Variants in IFT43 observed in about 807,000 individuals in gnomAD.
The protein encoded by IFT43 is intraflagellar transport protein 43 homolog.
IFT43 carries 33 observed loss-of-function variants against 32.3 expected under a neutral mutation model. The ratio of observed to expected loss-of-function variants is 1.02; its 90% CI spans 0.77 to 1.37. The LOEUF (loss-of-function observed/expected upper bound fraction) is 1.37, where lower values mean the gene tolerates loss of function less well. Among genes scored for constraint, IFT43 ranks in the 40% most tolerant of loss-of-function variants. IFT43 has a pLI of 0.00. For synonymous variants in IFT43, 93 were observed against 98.2 expected, an observed-to-expected ratio of 0.95 and a Z score of 0.31; for missense variants, 274 against 265.9, an observed-to-expected ratio of 1.03 and a Z score of -0.21.
At chr14:76,067,536 C>G (rs1303830036) in intron 5 of IFT43, among the ~76,000 whole-genome samples, 1 of 151,550 alleles carries the variant, frequency 6.6e-6, no homozygotes, top group Admixed American at 6.6e-5. Flanking sequence ...CACTACCGCA[C>G]TCACCACTGC....
chr14:75,985,783 G>C lies in IFT43; in HGVS notation c.-4G>C, dbSNP rs561175140. Reference sequence around the variant, plus strand: ...CCAGGAAGTGACGTCAGGCGGCCGCGGAGATGGAGGATTTGCTCGACTTGG... The same window carrying C: ...CCAGGAAGTGACGTCAGGCGGCCGCCGAGATGGAGGATTTGCTCGACTTGG... On this transcript the variant is annotated 5_prime_UTR_variant, in exon 1 of 9. Coordinates refer to ENST00000314067, the MANE Select transcript of IFT43 (RefSeq NM_001102564.3). The C allele has an allele frequency of 2.5e-6, 4 of 1,614,192 alleles. No individual in the cohort carries two copies. In the Admixed American group the frequency reaches 5.0e-5, roughly 20 times the overall value.
intron 3 of IFT43, among the ~76,000 whole-genome samples, chr14:76,027,658 G>A (rs1158521648): frequency 6.7e-6 from 1 of 149,006 alleles, no homozygotes; most frequent in Non-Finnish European, 1.5e-5. Context: ...GCAGTGAGCC[G>A]AGATTGTGCC....
intron 2 of IFT43, among the ~76,000 whole-genome samples, chr14:76,002,726 A>C (rs573029814): frequency 6.6e-6 from 1 of 152,362 alleles, no homozygotes; most frequent in South Asian, 2.1e-4. Context: ...GAATGGTACA[A>C]GTTTTGAAAG....
intron 5 of IFT43, among the ~76,000 whole-genome samples, chr14:76,073,891 C>T (rs189444255): frequency 7.2e-5 from 11 of 152,150 alleles, no homozygotes; most frequent in Non-Finnish European, 1.2e-4. Context: ...GATAAGAGAG[C>T]GAGCAGCAGT....
intron 3 of IFT43, among the ~76,000 whole-genome samples, chr14:76,033,369 T>G (rs1314718938): frequency 6.6e-6 from 1 of 152,210 alleles, no homozygotes; most frequent in Non-Finnish European, 1.5e-5. Context: ...GAATAAGACC[T>G]TCCAGGAGAG....
chr14:76,027,412 A>T (rs1283852668), intron 3 of IFT43, among the ~76,000 whole-genome samples: 1 of 149,394 alleles, frequency 6.7e-6, no homozygotes, highest in East Asian at 2.0e-4. Flanking sequence ...ATACTTTAGC[A>T]TGCATCTCTC....
At chr14:76,030,918 T>C (rs2036498524) in intron 3 of IFT43, among the ~76,000 whole-genome samples, 1 of 151,614 alleles carries the variant, frequency 6.6e-6, no homozygotes, top group South Asian at 2.1e-4. Flanking sequence ...CCCATCCTTA[T>C]CATCCTCTCC....
chr14:75,999,271 ATGTATATATAT>A (rs1364928643), intron 2 of IFT43, among the ~76,000 whole-genome samples: 12 of 25,812 alleles, frequency 4.6e-4, no homozygotes, highest in African/African-American at 1.8e-3. Context: ...ATATATATAT[ATGTATATATAT>A]TTTTTTTTTT....
Position 76,080,009 on chromosome 14 carries a change from T to C in IFT43, c.296-2286T>C, listed in dbSNP as rs532934799. Among the ~76,000 whole-genome samples, 138 of 152,296 alleles carry C rather than the reference T, an allele frequency of 9.1e-4. 1 individual carries two copies. The highest frequency in any genetic ancestry group is 2.8e-3 in the African/African-American group (116 of 41,572). On this transcript the variant is annotated intron_variant, in intron 5 of 8. Transcript: ENST00000314067. ...AACATATTATGTGCTCATGAGCACT[T>C]GCCTGTGATTGTAAATCAGAAACTG...
At chr14:76,027,089 A>G (rs903484812) in intron 3 of IFT43, among the ~76,000 whole-genome samples, 4 of 151,304 alleles carry the variant, frequency 2.6e-5, no homozygotes, top group African/African-American at 7.3e-5. Context: ...TGAAAGGTGG[A>G]GGGTGGGAGG....
intron 2 of IFT43, among the ~76,000 whole-genome samples, chr14:76,012,986 C>G (rs1247768567): frequency 1.3e-5 from 2 of 152,168 alleles, no homozygotes; most frequent in African/African-American, 4.8e-5. Flanking sequence ...ATAGTTTCTT[C>G]CTCTTCTCCT....
At chr14:76,004,359 T>C (rs963095528) in intron 2 of IFT43, among the ~76,000 whole-genome samples, 1 of 152,216 alleles carries the variant, frequency 6.6e-6, no homozygotes, top group African/African-American at 2.4e-5. Context: ...TTCAGCACTT[T>C]AAAAATTGCC....
intron 5 of IFT43, among the ~76,000 whole-genome samples, chr14:76,062,933 A>AG (rs2037166508): frequency 2.0e-5 from 3 of 150,916 alleles, no homozygotes; most frequent in African/African-American, 4.9e-5. Context: ...AAAAAAAAAA[A>AG]AAAAAAAAGA....
At chr14:76,065,740 G>A (rs995719163) in intron 5 of IFT43, among the ~76,000 whole-genome samples, 1 of 152,056 alleles carries the variant, frequency 6.6e-6, no homozygotes, top group Non-Finnish European at 1.5e-5. Context: ...AGTATGTTCA[G>A]TTGTTGATAG....
chr14:76,059,692 C>T (rs1236010487), intron 5 of IFT43: 2 of 403,796 alleles, frequency 5.0e-6, no homozygotes, highest in African/African-American at 2.1e-5. Flanking sequence ...ACCTCCTTGG[C>T]AAACCAACAT....
rs1225840489 is a variant in IFT43 at position 75,985,808 on chromosome 14, G to A, written c.22G>A (p.Asp8Asn). 6.2e-7 allele frequency: 1 copy of A among 1,614,198 alleles called. No individual in the cohort carries two copies. Among genetic ancestry groups the A allele is most frequent in the South Asian group, 1.1e-5 (1 of 91,080 alleles). The part of the protein sequence containing the change: MEDLLDL[D>N]EELRYSLATS... ...GGAGATGGAGGATTTGCTCGACTTG[G>A]ACGAGGAGCTTCGCTACAGCTTGGC... The change falls in exon 1 of 9, where the codon GAC (aspartate) becomes AAC (asparagine). Residue 8 changes from aspartate to asparagine, a missense_variant. Asp to Asn is a conservative substitution (Grantham distance 23). Coordinates refer to ENST00000314067, the MANE Select transcript of IFT43 (RefSeq NM_001102564.3).
At chr14:76,039,190 G>A (rs930808935) in intron 3 of IFT43, among the ~76,000 whole-genome samples, 26 of 151,808 alleles carry the variant, frequency 1.7e-4, no homozygotes, top group Admixed American at 1.6e-3. Context: ...TGGAGGGTGG[G>A]GATGTGATCA....
chr14:76,083,331 A>G (rs772242962), intron 8 of IFT43, 42 bp downstream of exon 8: 52 of 1,610,314 alleles, frequency 3.2e-5, no homozygotes, highest in South Asian at 5.5e-5. Flanking sequence ...CAGCTCTGGC[A>G]TTCCCATAAC....
At chr14:76,029,098 A>G (rs1042261582) in intron 3 of IFT43, among the ~76,000 whole-genome samples, 6 of 152,192 alleles carry the variant, frequency 3.9e-5, no homozygotes, top group African/African-American at 1.2e-4. Context: ...GTGTGTAAGC[A>G]TTCCTTTTTT....
Sources: allele counts gnomAD v4.1 joint callset (sites outside exome capture counted in the v4.1 genomes callset), GRCh38; gene constraint gnomAD v4.1.1; transcripts MANE v1.5; gene names NCBI Gene and HGNC (gene_info 2026-07-23, HGNC 2026-07-21).